SMYD3: variants seen among roughly 807,000 people sequenced by gnomAD.
SMYD3 encodes the protein histone-lysine N-methyltransferase SMYD3.
Under a neutral mutation model 57.7 loss-of-function variants are expected in SMYD3, and 36 were observed. The ratio of observed to expected loss-of-function variants is 0.62; its 90% CI spans 0.48 to 0.82. SMYD3 has a LOEUF of 0.82. Among genes scored for constraint, SMYD3 ranks in the 40% least tolerant of loss-of-function variants. The pLI is 0.00. For synonymous variants in SMYD3, 211 were observed against 195.0 expected (o/e 1.08, Z -0.68); for missense variants, 515 against 538.8 (o/e 0.96, Z 0.44).
intron 5 of SMYD3, among the ~76,000 whole-genome samples, chr1:246,125,920 T>A (rs2061501965): frequency 6.6e-6 from 1 of 152,022 alleles, no homozygotes; most frequent in African/African-American, 2.4e-5. Flanking sequence ...CAACTACCTA[T>A]CCACTGTATC....
At chr1:245,880,147 C>A (rs1034461357) in intron 8 of SMYD3, among the ~76,000 whole-genome samples, 1 of 152,208 alleles carries the variant, frequency 6.6e-6, no homozygotes, top group African/African-American at 2.4e-5. Flanking sequence ...CCATGCACAC[C>A]GCTGCTGTCT....
intron 5 of SMYD3, among the ~76,000 whole-genome samples, chr1:245,982,842 C>T (rs1340050261): frequency 6.6e-6 from 1 of 152,212 alleles, no homozygotes; most frequent in East Asian, 1.9e-4. Context: ...TTCGTAGCCA[C>T]ACCTTTGGAG....
chr1:246,277,264 G>C (rs548972541), intron 5 of SMYD3, among the ~76,000 whole-genome samples: 1 of 150,974 alleles, frequency 6.6e-6, no homozygotes, highest in Non-Finnish European at 1.5e-5. Context: ...TATATAAAAC[G>C]CTCAACATCA....
In SMYD3 at chr1:246,099,531, G is replaced by A. The variant is rs115330578; in HGVS notation, c.532-169594C>T. ...GTCCCAATGGGGCTAAGAAAAACTA[G>A]TGATTGTTGAACACTGGATTCACTG... On this transcript the variant is annotated intron_variant, in intron 5 of 11. Coordinates refer to ENST00000490107, the MANE Select transcript of SMYD3 (RefSeq NM_001167740.2). Among the ~76,000 whole-genome samples the A allele has an allele frequency of 2.0e-3, 300 of 152,210 alleles. 2 individuals are homozygous for A. The highest frequency in any genetic ancestry group is 6.6e-3 in the African/African-American group (276 of 41,532).
intron 5 of SMYD3, among the ~76,000 whole-genome samples, chr1:246,071,191 C>A (rs1204024350): frequency 1.3e-5 from 2 of 151,938 alleles, no homozygotes; most frequent in African/African-American, 4.8e-5. Flanking sequence ...GATATATATA[C>A]AATATGGTGC....
At chr1:245,913,292 C>A (rs367938474) in intron 8 of SMYD3, among the ~76,000 whole-genome samples, 3 of 148,688 alleles carry the variant, frequency 2.0e-5, no homozygotes, top group East Asian at 3.9e-4. Context: ...TGTTCTCACT[C>A]ATAGGTGGGA....
intron 1 of SMYD3, among the ~76,000 whole-genome samples, chr1:246,362,462 T>TC (rs1553338223): frequency 1.9e-3 from 19 of 10,148 alleles, no homozygotes; most frequent in African/African-American, 7.6e-3. Context: ...CCTCTCCCTC[T>TC]CCACGGTCTC....
intron 10 of SMYD3, among the ~76,000 whole-genome samples, chr1:245,768,510 A>T (rs1461524607): frequency 1.3e-5 from 2 of 152,220 alleles, no homozygotes; most frequent in Non-Finnish European, 2.9e-5. Flanking sequence ...TCCGTTACAG[A>T]TGGCAGCTTT....
Position 245,855,853 on chromosome 1 carries a change from C to T in SMYD3, c.1076+2643G>A, listed in dbSNP as rs565572675. Among the ~76,000 whole-genome samples the T allele has an allele frequency of 1.5e-3, 229 of 152,310 alleles. 1 individual carries two copies. The highest frequency in any genetic ancestry group is 2.9e-3 in the Non-Finnish European group (196 of 68,020). On this transcript the variant is annotated intron_variant, in intron 10 of 11. Coordinates refer to ENST00000490107, the MANE Select transcript of SMYD3 (RefSeq NM_001167740.2). Reference sequence around the variant, plus strand: ...CCAAGGTCAGGAGTGACAAAATCATCAAGAAAGACTTGACCTCCATCTAGT... The same window carrying T: ...CCAAGGTCAGGAGTGACAAAATCATTAAGAAAGACTTGACCTCCATCTAGT...
chr1:246,154,789 G>GTTT (rs56920133), intron 5 of SMYD3, among the ~76,000 whole-genome samples: 3 of 144,116 alleles, frequency 2.1e-5, no homozygotes, highest in Non-Finnish European at 3.1e-5. Flanking sequence ...TTTGTTTTTT[G>GTTT]TTTTTTTTTT....
intron 7 of SMYD3, among the ~76,000 whole-genome samples, chr1:245,916,752 T>C (rs1243103539): frequency 6.6e-6 from 1 of 152,154 alleles, no homozygotes; most frequent in African/African-American, 2.4e-5. Flanking sequence ...CCAGGCCCCC[T>C]GCACTCCACC....
intron 5 of SMYD3, among the ~76,000 whole-genome samples, chr1:246,094,066 A>G (rs1341517676): frequency 1.3e-5 from 2 of 152,156 alleles, no homozygotes; most frequent in East Asian, 1.9e-4. Flanking sequence ...GGGGCCGAAC[A>G]TGTCCTAGGA....
intron 11 of SMYD3, among the ~76,000 whole-genome samples, chr1:245,761,550 C>T (rs1439538575): frequency 6.6e-6 from 1 of 152,148 alleles, no homozygotes; most frequent in African/African-American, 2.4e-5. Context: ...ATGACTAAAG[C>T]TTCACATAAG....
intron 11 of SMYD3, among the ~76,000 whole-genome samples, chr1:245,757,990 G>A (rs1244259998): frequency 6.6e-6 from 1 of 152,080 alleles, no homozygotes; most frequent in Non-Finnish European, 1.5e-5. Flanking sequence ...GATAGAGATT[G>A]CATTGAATCT....
chr1:245,781,789 G>A (rs1418022497), intron 10 of SMYD3, among the ~76,000 whole-genome samples: 2 of 152,006 alleles, frequency 1.3e-5, no homozygotes, highest in Non-Finnish European at 2.9e-5. Context: ...GGCTAATACG[G>A]TGAAACCCCG....
At chr1:245,811,479 A>G (rs1259016368) in intron 10 of SMYD3, among the ~76,000 whole-genome samples, 1 of 152,212 alleles carries the variant, frequency 6.6e-6, no homozygotes, top group African/African-American at 2.4e-5. Context: ...TCTTAGCACT[A>G]TACTTTTAAC....
At chr1:245,847,438 C>A (rs891406854) in intron 10 of SMYD3, among the ~76,000 whole-genome samples, 4 of 152,208 alleles carry the variant, frequency 2.6e-5, no homozygotes, top group African/African-American at 9.6e-5. Flanking sequence ...GCGTGCTGAT[C>A]ATATTTTCAA....
intron 5 of SMYD3, among the ~76,000 whole-genome samples, chr1:245,976,425 A>AGCCTAGGGAAAGCCATCGTCTCTG (rs2058427637): frequency 7.4e-5 from 1 of 13,522 alleles, no homozygotes; most frequent in African/African-American, 1.9e-4. Context: ...CATCGTCTCT[A>AGCCTAGGGAAAGCCATCGTCTCTG]GCCTAGGGAA....
At chr1:246,104,012 T>C (rs770469709) in intron 5 of SMYD3, among the ~76,000 whole-genome samples, 1 of 152,240 alleles carries the variant, frequency 6.6e-6, no homozygotes, top group African/African-American at 2.4e-5. Context: ...CATGACTCTT[T>C]TCAGGGTTTC....
Sources: gnomAD v4.1 joint callset for allele counts (sites outside exome capture counted in the v4.1 genomes callset) on GRCh38, gnomAD v4.1.1 for gene constraint, MANE v1.5 for transcripts, NCBI Gene and HGNC (gene_info 2026-07-23, HGNC 2026-07-21) for gene names.